Variants in SOX4 observed in about 807,000 individuals in gnomAD.
SOX4 encodes the protein transcription factor SOX-4.
For synonymous variants in SOX4, 465 were observed against 348.4 expected (o/e 1.33, Z -3.73); for missense variants, 662 against 694.9 (o/e 0.95, Z 0.53).
At position 21,594,651 on chromosome 6, in the gene SOX4, C is replaced by G. The variant is rs767343074; in HGVS notation, c.117C>G (p.Thr39=). 6.2e-7 allele frequency: 1 copy of G among 1,602,622 alleles called. No homozygotes were observed. Among genetic ancestry groups the G allele is most frequent in the Non-Finnish European group, 8.5e-7 (1 of 1,175,410 alleles). Residue 39 remains threonine, a synonymous_variant, in exon 1 of 1, where the codon ACC becomes ACG. Coordinates refer to ENST00000244745, the MANE Select transcript of SOX4 (RefSeq NM_003107.3). ...CCTCCTCCCCCACGCCCGGCTCCAC[C>G]GCCTCCACGGGCGGCAAGGCCGACG... The part of the protein sequence containing the change: ...GIASSPTPGS[T]ASTGGKADDP...
At position 21,598,016 on chromosome 6, in the gene SOX4, A is replaced by G. The variant is rs1196499982; in HGVS notation, c.*2057A>G. ...TTTAAAACTGGTGCAATTACAGCAA[A>G]AAGGGATTCTGTAGCTTTAACTTGT... On this transcript the variant is annotated 3_prime_UTR_variant, in exon 1 of 1. Coordinates refer to ENST00000244745, the MANE Select transcript of SOX4 (RefSeq NM_003107.3). 1.8e-5 allele frequency: 3 copies of G among 167,122 alleles called. No individual in the cohort carries two copies. The highest frequency in any genetic ancestry group is 7.2e-5 in the African/African-American group (3 of 41,472). 10.4% of individuals were successfully genotyped at this position (167,122 alleles called of 1,614,324 possible).
rs950512290 is a variant in SOX4 at position 21,594,879 on chromosome 6, G to A, written c.345G>A (p.Leu115=). Reference sequence around the variant, plus strand: ...CTTTCATTCGAGAGGCGGAGCGGCTGCGCCTCAAGCACATGGCTGACTACC... The same window carrying A: ...CTTTCATTCGAGAGGCGGAGCGGCTACGCCTCAAGCACATGGCTGACTACC... ...KIPFIREAER[L]RLKHMADYPD... is the part of the protein sequence containing the mutation. Residue 115 remains leucine (L), a synonymous_variant, in exon 1 of 1, where the codon CTG becomes CTA. Transcript: ENST00000244745. The A allele has an allele frequency of 5.0e-6, 8 of 1,612,744 alleles. No individual in the cohort carries two copies. In the African/African-American group the frequency reaches 9.3e-5, roughly 19 times the overall value.
In SOX4 at chr6:21,595,683, G is replaced by T; in HGVS notation, c.1149G>T (p.Ser383=). Residue 383 remains serine, a synonymous_variant, in exon 1 of 1, where the codon TCG becomes TCT. Coordinates refer to ENST00000244745, the MANE Select transcript of SOX4 (RefSeq NM_003107.3). ...CCTCGCACGCGTCCTCCTCGGCCTC[G>T]TCCCACTCCTCCTCTTCCTCCTCCT... ...SAPSHASSSA[S]SHSSSSSSSG... The T allele has an allele frequency of 6.3e-7, 1 of 1,579,076 alleles. No homozygotes were observed. The highest frequency in any genetic ancestry group is 8.6e-7 in the Non-Finnish European group (1 of 1,163,222).
rs960641877 is a variant in SOX4 at position 21,597,460 on chromosome 6, T to A, written c.*1501T>A. ...TTTTTCTTTTGTCCCTTTTTTTCTT[T>A]CCTTTCTTTTTACTTCCTTTATTTC... is the stretch of plus-strand genomic sequence containing the variant. On this transcript the variant is annotated 3_prime_UTR_variant, in exon 1 of 1. Transcript: ENST00000244745. 3.0e-5 allele frequency: 5 copies of A among 164,648 alleles called. No individual in the cohort carries two copies. Among genetic ancestry groups the A allele is most frequent in the African/African-American group, 1.2e-4 (5 of 41,362 alleles). 10.2% of individuals were successfully genotyped at this position (164,648 alleles called of 1,614,324 possible).
rs752334754 is a variant in SOX4, at chr6:21,595,704, C to A, written c.1170C>A (p.Ser390=). ...SSASSHSSSS[S]SSGSSSSDDE... is the part of the protein sequence containing the mutation. ...CCTCGTCCCACTCCTCCTCTTCCTC[C>A]TCCTCGGGCTCCTCGTCCTCCGACG... is the stretch of plus-strand genomic sequence containing the variant. Residue 390 remains serine, a synonymous_variant, in exon 1 of 1, where the codon TCC becomes TCA. Coordinates refer to ENST00000244745, the MANE Select transcript of SOX4 (RefSeq NM_003107.3). 7 of 1,601,318 alleles carry A rather than the reference C, an allele frequency of 4.4e-6. No individual in the cohort carries two copies. Among genetic ancestry groups the A allele is most frequent in the Non-Finnish European group, 6.0e-6 (7 of 1,174,444 alleles).
At position 21,595,398 on chromosome 6, in the gene SOX4, G is replaced by A; in HGVS notation, c.864G>A (p.Leu288=). ...SAALAAPGKH[L]AEKKVKRVYL... is the part of the protein sequence containing the mutation. ...CGCTCGCGGCCCCGGGCAAGCACCT[G>A]GCGGAGAAGAAGGTGAAGCGCGTCT... The change falls in exon 1 of 1, where the codon CTG becomes CTA. Residue 288 remains leucine (L), a synonymous_variant. Coordinates refer to ENST00000244745, the MANE Select transcript of SOX4 (RefSeq NM_003107.3). 1 of 1,537,186 alleles carries A rather than the reference G, an allele frequency of 6.5e-7. No homozygotes were observed. Among genetic ancestry groups the A allele is most frequent in the Non-Finnish European group, 8.7e-7 (1 of 1,150,746 alleles).
chr6:21,595,716 C>G lies in SOX4; in HGVS notation c.1182C>G (p.Ser394=). The G allele has an allele frequency of 1.9e-6, 3 of 1,608,904 alleles. No individual in the cohort carries two copies. Among genetic ancestry groups the G allele is most frequent in the Admixed American group, 1.7e-5 (1 of 59,556 alleles). The change falls in exon 1 of 1, where the codon TCC becomes TCG. Residue 394 remains serine, a synonymous_variant. Transcript: ENST00000244745. ...CCTCCTCTTCCTCCTCCTCGGGCTCCTCGTCCTCCGACGACGAGTTCGAAG... is the reference window on the plus strand; with the variant it reads ...CCTCCTCTTCCTCCTCCTCGGGCTCGTCGTCCTCCGACGACGAGTTCGAAG... ...SHSSSSSSSG[S]SSSDDEFEDD...
At position 21,596,140 on chromosome 6, in the gene SOX4, T is replaced by A; in HGVS notation, c.*181T>A. ...CGGATCAAGGAGCGCGGCGGCGTTTTGGACCCGCGCTCCCATCCCCCACCT... is the reference window on the plus strand; with the variant it reads ...CGGATCAAGGAGCGCGGCGGCGTTTAGGACCCGCGCTCCCATCCCCCACCT... On this transcript the variant is annotated 3_prime_UTR_variant, in exon 1 of 1. Coordinates refer to ENST00000244745, the MANE Select transcript of SOX4 (RefSeq NM_003107.3). 5 of 1,044,400 alleles carry A rather than the reference T, an allele frequency of 4.8e-6. No homozygotes were observed. 64.7% of individuals were successfully genotyped at this position (1,044,400 alleles called of 1,614,324 possible). A position where few individuals can be genotyped will look rare whatever the true frequency, so the allele number is the denominator to read the frequency against.
In SOX4 at chr6:21,594,350, T is replaced by C. The variant is rs1368714977; in HGVS notation, c.-185T>C. 1 of 617,640 alleles carries C rather than the reference T, an allele frequency of 1.6e-6. No individual in the cohort carries two copies. The highest frequency in any genetic ancestry group is 2.4e-6 in the Non-Finnish European group (1 of 420,472). The allele number at this position is 617,640 out of a possible 1,614,324, so 38.3% of individuals were successfully genotyped here. On this transcript the variant is annotated 5_prime_UTR_variant, in exon 1 of 1. Transcript: ENST00000244745. ...AGAGGCGGAGAACTCCTTCCCCAAA[T>C]CTTTTGGGGACTTTTCTCTCTTTAC...
At position 21,596,203 on chromosome 6, in the gene SOX4, C is replaced by T. The variant is rs1343953903; in HGVS notation, c.*244C>T. ...GACCCACTCTGCCCAGCCGGAGGGA[C>T]GCGGAGGAGGAAGAGGGTAGACAGG... On this transcript the variant is annotated 3_prime_UTR_variant, in exon 1 of 1. Transcript: ENST00000244745. 7 of 408,574 alleles carry T rather than the reference C, an allele frequency of 1.7e-5. No homozygotes were observed. The highest frequency in any genetic ancestry group is 3.0e-5 in the Non-Finnish European group (7 of 236,278). The allele number at this position is 408,574 out of a possible 1,614,324, so 25.3% of individuals were successfully genotyped here.
Position 21,594,846 on chromosome 6 carries a change from C to A in SOX4, c.312C>A (p.Asp104Glu). 6.2e-7 allele frequency: 1 copy of A among 1,611,796 alleles called. No individual in the cohort carries two copies. Among genetic ancestry groups the A allele is most frequent in the Non-Finnish European group, 8.5e-7 (1 of 1,179,134 alleles). ...GCTGGAAGCTGCTCAAAGACAGCGA[C>A]AAGATCCCTTTCATTCGAGAGGCGG... ...GKRWKLLKDS[D>E]KIPFIREAER... is the part of the protein sequence containing the mutation. Residue 104 changes from aspartate to glutamate, a missense_variant, in exon 1 of 1, where the codon GAC (aspartate) becomes GAA (glutamate). Asp to Glu is a conservative substitution (Grantham distance 45, BLOSUM62 2). Transcript: ENST00000244745.
In SOX4 at chr6:21,595,107, C is replaced by T; in HGVS notation, c.573C>T (p.Ser191=). ...GTGCGAGTGGCGGCGGCGCCAACTC[C>T]AAACCGGCGCAGAAAAAGAGCTGCG... The part of the protein sequence containing the change: ...GGGASGGGAN[S]KPAQKKSCGS... Residue 191 remains serine, a synonymous_variant, in exon 1 of 1, where the codon TCC becomes TCT. Transcript: ENST00000244745. 7.2e-7 allele frequency: 1 copy of T among 1,383,826 alleles called. No homozygotes were observed. The highest frequency in any genetic ancestry group is 9.3e-7 in the Non-Finnish European group (1 of 1,077,136). The allele number at this position is 1,383,826 out of a possible 1,614,324, so 85.7% of individuals were successfully genotyped here. A position where few individuals can be genotyped will look rare whatever the true frequency, so the allele number is the denominator to read the frequency against.
Position 21,594,558 on chromosome 6 carries a change from C to G in SOX4, c.24C>G (p.Ala8=), listed in dbSNP as rs757055229. 7 of 1,605,466 alleles carry G rather than the reference C, an allele frequency of 4.4e-6. No homozygotes were observed. Among genetic ancestry groups the G allele is most frequent in the Non-Finnish European group, 5.9e-6 (7 of 1,177,806 alleles). MVQQTNN[A]ENTEALLAGE... ...CCATGGTGCAGCAAACCAACAATGC[C>G]GAGAACACGGAAGCGCTGCTGGCCG... Residue 8 remains alanine, a synonymous_variant, in exon 1 of 1, where the codon GCC becomes GCG. Transcript: ENST00000244745.
In SOX4 at chr6:21,595,263, G is replaced by C. The variant is rs1356599621; in HGVS notation, c.729G>C (p.Gly243=). 8.3e-6 allele frequency: 11 copies of C among 1,318,042 alleles called. No individual in the cohort carries two copies. Among genetic ancestry groups the C allele is most frequent in the Admixed American group, 3.9e-5 (1 of 25,674 alleles). The allele number at this position is 1,318,042 out of a possible 1,614,324, so 81.6% of individuals were successfully genotyped here. ...AAASFAAEQA[G]AAALLPLGAA... is the part of the protein sequence containing the mutation. ...CCTCCTTCGCCGCCGAACAGGCGGG[G>C]GCCGCCGCCCTGCTGCCCCTGGGCG... Residue 243 remains glycine (G), a synonymous_variant, in exon 1 of 1, where the codon GGG becomes GGC. Transcript: ENST00000244745.
rs1367476809 is a variant in SOX4 at position 21,594,983 on chromosome 6, A to G, written c.449A>G (p.Lys150Arg). ...NSSSSAAASS[K>R]PGEKGDKVGG... ...AGCTCCTCGGCCGCCGCCTCCTCCA[A>G]GCCGGGGGAGAAGGGAGACAAGGTC... Residue 150 changes from lysine (K) to arginine (R), a missense_variant, in exon 1 of 1, where the codon AAG becomes AGG. Coordinates refer to ENST00000244745, the MANE Select transcript of SOX4 (RefSeq NM_003107.3). 2.5e-6 allele frequency: 4 copies of G among 1,587,834 alleles called. No individual in the cohort carries two copies. In the African/African-American group the frequency reaches 5.5e-5, roughly 22 times the overall value.
Position 21,595,809 on chromosome 6 carries a change from G to A in SOX4, c.1275G>A (p.Ser425=). 1.9e-6 allele frequency: 3 copies of A among 1,613,470 alleles called. No individual in the cohort carries two copies. The highest frequency in any genetic ancestry group is 8.5e-7 in the Non-Finnish European group (1 of 1,179,974). The change falls in exon 1 of 1, where the codon TCG becomes TCA. Residue 425 remains serine, a synonymous_variant. Transcript: ENST00000244745. Reference sequence around the variant, plus strand: ...TGTCCCTGGGCAGCTTCAGTTCGTCGTCGGCGCTCGACCGGGACCTGGATT... The same window carrying A: ...TGTCCCTGGGCAGCTTCAGTTCGTCATCGGCGCTCGACCGGGACCTGGATT... The part of the protein sequence containing the change: ...ESMSLGSFSS[S]SALDRDLDFN...
In SOX4 at chr6:21,595,931, G is replaced by A; in HGVS notation, c.1397G>A (p.Ser466Asn). The change falls in exon 1 of 1, where the codon AGC becomes AAC. Residue 466 changes from serine (S) to asparagine (N), a missense_variant. By Grantham distance (46) the Ser-to-Asn change is conservative. Transcript: ENST00000244745. The part of the protein sequence containing the change: ...EMISGDWLES[S>N]ISNLVFTY ...ATCTCGGGAGACTGGCTCGAGTCCA[G>A]CATCTCCAACCTGGTTTTCACCTAC... 6.3e-7 allele frequency: 1 copy of A among 1,575,070 alleles called. No homozygotes were observed. Among genetic ancestry groups the A allele is most frequent in the Non-Finnish European group, 8.6e-7 (1 of 1,161,232 alleles).
chr6:21,594,155 G>T lies in SOX4; in HGVS notation c.-380G>T. On this transcript the variant is annotated 5_prime_UTR_variant, in exon 1 of 1. In the 5' UTR this introduces an upstream ATG that the reference lacks. Coordinates refer to ENST00000244745, the MANE Select transcript of SOX4 (RefSeq NM_003107.3). ...AAAAAAAAAAAAGACTTGCCTGGGA[G>T]GCCGCGAGAAACTTGCATTGGAAGC... is the stretch of plus-strand genomic sequence containing the variant. 1 of 197,372 alleles carries T rather than the reference G, an allele frequency of 5.1e-6. No individual in the cohort carries two copies. Among genetic ancestry groups the T allele is most frequent in the Non-Finnish European group, 1.0e-5 (1 of 98,696 alleles). The allele number at this position is 197,372 out of a possible 1,614,324, so 12.2% of individuals were successfully genotyped here.
At position 21,596,001 on chromosome 6, in the gene SOX4, GGAGAAAAAAAAA is replaced by G. The variant is rs767852291; in HGVS notation, c.*44_*55del. ...GAGAAGGGCCGGGGGGGGTAGGAGA[GGAGAAAAAAAAA>G]GTGAAAAAAAGAAACGAAAAGGACA... On this transcript the variant is annotated 3_prime_UTR_variant, in exon 1 of 1. Transcript: ENST00000244745. 2.1e-6 allele frequency: 3 copies of G among 1,441,372 alleles called. No individual in the cohort carries two copies. Among genetic ancestry groups the G allele is most frequent in the South Asian group, 2.9e-5 (2 of 68,174 alleles). 89.3% of individuals were successfully genotyped at this position (1,441,372 alleles called of 1,614,324 possible). A position where few individuals can be genotyped will look rare whatever the true frequency, so the allele number is the denominator to read the frequency against.
Sources: gnomAD v4.1 joint callset for allele counts on GRCh38, gnomAD v4.1.1 for gene constraint, MANE v1.5 for transcripts, NCBI Gene and HGNC (gene_info 2026-07-23, HGNC 2026-07-21) for gene names.